The following NCAM2 variants were observed in gnomAD, a reference collection of about 807,000 sequenced individuals.
NCAM2 encodes neural cell adhesion molecule 2.
In NCAM2, 30 loss-of-function variants were observed where a neutral mutation model predicts 98.1. That is an observed-to-expected ratio of 0.31 (90% CI 0.23 to 0.41). The LOEUF is 0.41. Ranked by LOEUF, NCAM2 falls within the 10% of genes least tolerant of loss-of-function variation. NCAM2 has a pLI of 1.00. For synonymous variants in NCAM2, 368 were observed against 342.4 expected (o/e 1.07, Z -0.83); for missense variants, 867 against 1,005.8 (o/e 0.86, Z 1.87).
chr21:21,225,618 C>A (rs929764034), intron 1 of NCAM2, among the ~76,000 whole-genome samples: 1 of 151,742 alleles, frequency 6.6e-6, no homozygotes, highest in Non-Finnish European at 1.5e-5. Flanking sequence ...TAGATATAAA[C>A]CTGTTTATTT....
Position 21,514,032 on chromosome 21 carries a change from G to T in NCAM2, c.2282+4977G>T, listed in dbSNP as rs1363571958. 3.3e-5 allele frequency among the ~76,000 whole-genome samples: 5 copies of T among 151,502 alleles called. No homozygotes were observed. In the South Asian group the frequency reaches 8.3e-4, roughly 25 times the overall value. ...CTTTCTTTTCCTTACTGTTATGCAG[G>T]TGTGTTCTTTTATACAACATGCTCT... On this transcript the variant is annotated intron_variant, in intron 16 of 17. Coordinates refer to ENST00000400546, the MANE Select transcript of NCAM2 (RefSeq NM_004540.5).
At chr21:21,436,447 A>G (rs1337555240) in intron 12 of NCAM2, among the ~76,000 whole-genome samples, 1 of 152,234 alleles carries the variant, frequency 6.6e-6, no homozygotes, top group African/African-American at 2.4e-5. Flanking sequence ...AGTGACTGCC[A>G]AGTGGCACTG....
chr21:21,069,820 C>T (rs2065521086), intron 1 of NCAM2, among the ~76,000 whole-genome samples: 2 of 152,138 alleles, frequency 1.3e-5, no homozygotes, highest in Non-Finnish European at 2.9e-5. Flanking sequence ...GGAAACCTTT[C>T]CAATCTTTAA....
intron 16 of NCAM2, among the ~76,000 whole-genome samples, chr21:21,512,286 G>A (rs920469481): frequency 6.6e-6 from 1 of 151,842 alleles, no homozygotes; most frequent in African/African-American, 2.4e-5. Context: ...AAGAGATAGG[G>A]GTCTACATTC....
At chr21:21,440,137 C>T (rs922021443) in intron 12 of NCAM2, among the ~76,000 whole-genome samples, 1 of 152,134 alleles carries the variant, frequency 6.6e-6, no homozygotes, top group Admixed American at 6.5e-5. Context: ...TTTCTAACAG[C>T]TTGACATTTT....
chr21:21,132,122 C>G (rs1219874585), intron 1 of NCAM2, among the ~76,000 whole-genome samples: 2 of 152,126 alleles, frequency 1.3e-5, no homozygotes, highest in African/African-American at 4.8e-5. Flanking sequence ...TGCTCATGGC[C>G]TCTTCTTCCA....
rs1254821684 is a variant in NCAM2 at position 21,462,371 on chromosome 21, C to A, written c.1655-4235C>A. ...AAAATAATCTTACTTTAGAATTTTG[C>A]TGAGCTTAATTAGTTACCAAATATG... On this transcript the variant is annotated intron_variant, in intron 12 of 17. Transcript: ENST00000400546. Among the ~76,000 whole-genome samples the A allele has an allele frequency of 3.9e-5, 6 of 151,990 alleles. No homozygotes were observed. The East Asian group carries it at 1.2e-3, about 29-fold the overall frequency.
chr21:21,087,297 A>G (rs2065924247), intron 1 of NCAM2, among the ~76,000 whole-genome samples: 1 of 152,120 alleles, frequency 6.6e-6, no homozygotes, highest in Non-Finnish European at 1.5e-5. Flanking sequence ...ACTGACTTGT[A>G]CTTTTGCCAA....
intron 1 of NCAM2, among the ~76,000 whole-genome samples, chr21:21,137,247 C>T (rs1340193163): frequency 1.3e-5 from 2 of 152,120 alleles, no homozygotes; most frequent in Admixed American, 6.5e-5. Context: ...CATTATTATA[C>T]TAAAATATGA....
At chr21:21,297,523 C>T (rs1472119287) in intron 5 of NCAM2, among the ~76,000 whole-genome samples, 2 of 151,688 alleles carry the variant, frequency 1.3e-5, no homozygotes, top group Admixed American at 6.6e-5. Flanking sequence ...TTAACAGAGA[C>T]ATTGACTGAA....
chr21:21,017,835 A>G (rs996455754), intron 1 of NCAM2, among the ~76,000 whole-genome samples: 1 of 152,084 alleles, frequency 6.6e-6, no homozygotes, highest in Admixed American at 6.5e-5. Flanking sequence ...TGTAACATAT[A>G]TATTTGTTTG....
chr21:21,233,409 A>G (rs1370840427), intron 1 of NCAM2, among the ~76,000 whole-genome samples: 1 of 151,526 alleles, frequency 6.6e-6, no homozygotes, highest in South Asian at 2.1e-4. Context: ...TCATTTTTTT[A>G]TTTTAATAGT....
intron 1 of NCAM2, among the ~76,000 whole-genome samples, chr21:21,014,963 T>C (rs761141026): frequency 1.1e-4 from 17 of 152,140 alleles, no homozygotes; most frequent in Non-Finnish European, 2.1e-4. Context: ...TCGGCAGAAG[T>C]AGTAACTGCA....
chr21:21,432,717 T>G (rs1183735535), intron 12 of NCAM2, among the ~76,000 whole-genome samples: 1 of 152,114 alleles, frequency 6.6e-6, no homozygotes, highest in Admixed American at 6.5e-5. Flanking sequence ...TTTTATATAT[T>G]TGTTTACTTT....
intron 16 of NCAM2, among the ~76,000 whole-genome samples, chr21:21,524,742 C>T (rs928306992): frequency 5.9e-5 from 9 of 152,074 alleles, no homozygotes; most frequent in African/African-American, 1.7e-4. Flanking sequence ...AGAATAGGCA[C>T]CAAGATAGAT....
intron 9 of NCAM2, among the ~76,000 whole-genome samples, chr21:21,378,958 G>C (rs970296475): frequency 6.6e-6 from 1 of 151,784 alleles, no homozygotes; most frequent in Non-Finnish European, 1.5e-5. Context: ...CATGTTATAC[G>C]GTTCGTGTTT....
At chr21:21,291,562 T>G (rs1476682293) in intron 4 of NCAM2, among the ~76,000 whole-genome samples, 1 of 151,854 alleles carries the variant, frequency 6.6e-6, no homozygotes, top group East Asian at 1.9e-4. Flanking sequence ...GATTATCTTA[T>G]TAGCCAAAAA....
At chr21:21,527,225 C>T (rs1027268971) in intron 16 of NCAM2, among the ~76,000 whole-genome samples, 4 of 151,578 alleles carry the variant, frequency 2.6e-5, no homozygotes, top group African/African-American at 9.7e-5. Context: ...GATTCTCCTG[C>T]CTCAACTTCC....
In NCAM2 at chr21:21,338,386, C is replaced by T. The variant is rs1672635657; in HGVS notation, c.899-3C>T. On this transcript the variant is annotated splice_polypyrimidine_tract_variant and splice_region_variant and intron_variant, in intron 7 of 17. Transcript: ENST00000400546. ...GGTTGAGTAATATATATATTCTTTACAGTACAGCCTCACATAATACAGCTT... is the reference window on the plus strand; with the variant it reads ...GGTTGAGTAATATATATATTCTTTATAGTACAGCCTCACATAATACAGCTT... 6 of 1,607,652 alleles carry T rather than the reference C, an allele frequency of 3.7e-6. No homozygotes were observed. Among genetic ancestry groups the T allele is most frequent in the Non-Finnish European group, 5.1e-6 (6 of 1,175,340 alleles).
Sources: allele counts gnomAD v4.1 joint callset (sites outside exome capture counted in the v4.1 genomes callset), GRCh38; gene constraint gnomAD v4.1.1; transcripts MANE v1.5; gene names NCBI Gene and HGNC (gene_info 2026-07-23, HGNC 2026-07-21).